Variants in GALNT17 observed in about 807,000 individuals in gnomAD.
The protein encoded by GALNT17 is UDP-GalNAc:polypeptide N-acetylgalactosaminyltransferase-like 3.
Under a neutral mutation model 63.7 loss-of-function variants are expected in GALNT17, and 29 were observed. The ratio of observed to expected loss-of-function variants is 0.46; its 90% CI spans 0.34 to 0.62. GALNT17 has a LOEUF of 0.62. GALNT17 is among the 20% of genes least tolerant of loss of function. The pLI is 0.01. For missense variants in GALNT17, 603 were observed against 799.6 expected (o/e 0.75, Z 2.97); for synonymous variants, 305 against 318.3 (o/e 0.96, Z 0.45).
intron 6 of GALNT17, among the ~76,000 whole-genome samples, chr7:71,616,625 T>C (rs1046151782): frequency 6.9e-6 from 1 of 144,684 alleles, no homozygotes; most frequent in South Asian, 2.1e-4. Context: ...TATTTTATAT[T>C]TATATGTAAT....
rs1193695115 is a variant in GALNT17 at position 71,407,018 on chromosome 7, G to T, written c.590-8871G>T. Among the ~76,000 whole-genome samples the T allele has an allele frequency of 2.0e-5, 3 of 152,198 alleles. No individual in the cohort carries two copies. In the South Asian group the frequency reaches 6.2e-4, roughly 31 times the overall value. On this transcript the variant is annotated intron_variant, in intron 3 of 10. Transcript: ENST00000333538. The stretch of plus-strand genomic sequence containing the variant: ...TAATGTCTGTGCCAAACTCTGCGTT[G>T]AAGACCATTTTTTCACTGTGATCTC...
At chr7:71,621,541 G>T (rs200720933) in intron 6 of GALNT17, among the ~76,000 whole-genome samples, 2 of 65,438 alleles carry the variant, frequency 3.1e-5, no homozygotes, top group Non-Finnish European at 8.1e-5. Flanking sequence ...ATGGATTGAT[G>T]GATTGATGGA....
At chr7:71,460,271 A>C (rs1016051154) in intron 5 of GALNT17, among the ~76,000 whole-genome samples, 2 of 152,200 alleles carry the variant, frequency 1.3e-5, no homozygotes, top group Non-Finnish European at 2.9e-5. Flanking sequence ...GGATGGCAGC[A>C]TTGGACCATA....
At chr7:71,186,457 C>G (rs571568934) in intron 1 of GALNT17, among the ~76,000 whole-genome samples, 2 of 152,334 alleles carry the variant, frequency 1.3e-5, no homozygotes, top group African/African-American at 4.8e-5. Flanking sequence ...GCAGGCCCAA[C>G]TGTCTTACTA....
intron 9 of GALNT17, among the ~76,000 whole-genome samples, chr7:71,688,806 G>A (rs993938572): frequency 6.6e-6 from 1 of 152,132 alleles, no homozygotes; most frequent in African/African-American, 2.4e-5. Flanking sequence ...GTGTGCAGAA[G>A]TAAAGACACA....
intron 6 of GALNT17, among the ~76,000 whole-genome samples, chr7:71,621,536 TTGATGGATTGATGGATAGATG>T (rs1790292429): frequency 1.6e-5 from 2 of 123,724 alleles, no homozygotes; most frequent in African/African-American, 7.4e-5. Context: ...GATGGATGGA[TTGATGGATTGATGGATAGATG>T]GATGGATGGA....
intron 6 of GALNT17, among the ~76,000 whole-genome samples, chr7:71,629,827 TC>T (rs1790429781): frequency 6.6e-6 from 1 of 152,162 alleles, no homozygotes; most frequent in South Asian, 2.1e-4. Flanking sequence ...TTGCTGTATT[TC>T]CCAGGCTGGT....
chr7:71,703,826 C>G (rs181003796), intron 9 of GALNT17, among the ~76,000 whole-genome samples: 1 of 151,712 alleles, frequency 6.6e-6, no homozygotes, highest in African/African-American at 2.4e-5. Flanking sequence ...GGTCAGAGAC[C>G]GAAGGAAATG....
chr7:71,470,287 G>A (rs4075535), intron 5 of GALNT17, among the ~76,000 whole-genome samples: 32,409 of 152,076 alleles, frequency 0.21, 4,262 homozygotes, highest in East Asian at 0.55. Context: ...CATTATAAAA[G>A]GTAAGAGACA....
At chr7:71,705,147 G>T (rs777816417) in intron 9 of GALNT17, among the ~76,000 whole-genome samples, 1 of 152,124 alleles carries the variant, frequency 6.6e-6, no homozygotes, top group Admixed American at 6.6e-5. Flanking sequence ...AATATGTAAA[G>T]AACTCTTAAA....
At chr7:71,280,948 G>A (rs1351179695) in intron 1 of GALNT17, among the ~76,000 whole-genome samples, 1 of 152,184 alleles carries the variant, frequency 6.6e-6, no homozygotes, top group African/African-American at 2.4e-5. Context: ...TGGTTTCCAT[G>A]AGGAGGAGAA....
chr7:71,421,200 C>G (rs74524505), intron 5 of GALNT17, 95 bp downstream of exon 5: 2 of 1,376,642 alleles, frequency 1.5e-6, no homozygotes, highest in Non-Finnish European at 2.0e-6. Flanking sequence ...GCCTTGGGCT[C>G]GAGCAGCTGT....
chr7:71,182,137 T>G (rs1788746903), intron 1 of GALNT17, among the ~76,000 whole-genome samples: 1 of 152,144 alleles, frequency 6.6e-6, no homozygotes, highest in Non-Finnish European at 1.5e-5. Flanking sequence ...ATAGCACTAT[T>G]GCACTCCAGC....
chr7:71,242,283 T>TG, intron 1 of GALNT17, among the ~76,000 whole-genome samples: 1 of 127,874 alleles, frequency 7.8e-6, no homozygotes, highest in East Asian at 2.5e-4. Context: ...TTTTTTTTTT[T>TG]TTTTGAGACA....
chr7:71,648,599 T>A (rs1790714188), intron 6 of GALNT17, among the ~76,000 whole-genome samples: 1 of 151,754 alleles, frequency 6.6e-6, no homozygotes, highest in Non-Finnish European at 1.5e-5. Flanking sequence ...TGAAAATAAT[T>A]TTTATTTATT....
At chr7:71,657,079 T>C (rs1790839874) in intron 6 of GALNT17, among the ~76,000 whole-genome samples, 1 of 152,154 alleles carries the variant, frequency 6.6e-6, no homozygotes, top group Non-Finnish European at 1.5e-5. Flanking sequence ...CCTGCTGCTT[T>C]TGAGAAACTC....
intron 5 of GALNT17, among the ~76,000 whole-genome samples, chr7:71,534,962 GT>G (rs1482045575): frequency 1.3e-5 from 2 of 152,284 alleles, no homozygotes; most frequent in East Asian, 3.9e-4. Context: ...TTCCCAGCTG[GT>G]TGTTTCTGGG....
At chr7:71,256,651 G>A (rs1397088536) in intron 1 of GALNT17, among the ~76,000 whole-genome samples, 1 of 152,206 alleles carries the variant, frequency 6.6e-6, no homozygotes, top group Non-Finnish European at 1.5e-5. Context: ...GTGTTCTCAG[G>A]ACTTCCTGAG....
chr7:71,421,127 G>T, intron 5 of GALNT17, 22 bp downstream of exon 5: 1 of 1,613,072 alleles, frequency 6.2e-7, no homozygotes, highest in Non-Finnish European at 8.5e-7. Flanking sequence ...GTGAGCCCTG[G>T]CGGCCAACGA....
Sources: allele counts gnomAD v4.1 joint callset (sites outside exome capture counted in the v4.1 genomes callset), GRCh38; gene constraint gnomAD v4.1.1; transcripts MANE v1.5; gene names NCBI Gene and HGNC (gene_info 2026-07-23, HGNC 2026-07-21).